SPOCK1: variants seen among roughly 807,000 people sequenced by gnomAD.
The protein encoded by SPOCK1 is SPARC (osteonectin), cwcv and kazal like domains proteoglycan 1.
A neutral mutation model predicts 55.3 loss-of-function variants in SPOCK1; 23 were observed. That is an observed-to-expected ratio of 0.42 (90% confidence interval 0.30 to 0.59). The LOEUF (loss-of-function observed/expected upper bound fraction) is 0.59. Among genes scored for constraint, SPOCK1 ranks in the 20% least tolerant of loss-of-function variants. SPOCK1 has a pLI of 0.22. For missense variants in SPOCK1, 499 were observed against 552.5 expected (o/e 0.90, Z 0.97); for synonymous variants, 226 against 221.0 (o/e 1.02, Z -0.20).
intron 2 of SPOCK1, among the ~76,000 whole-genome samples, chr5:137,456,232 T>C (rs1753366193): frequency 6.6e-6 from 1 of 152,172 alleles, no homozygotes. Context: ...CAGTTGCTTC[T>C]CCTATTTCTC....
intron 3 of SPOCK1, among the ~76,000 whole-genome samples, chr5:137,148,132 G>C (rs1754240544): frequency 6.6e-6 from 1 of 152,110 alleles, no homozygotes; most frequent in Non-Finnish European, 1.5e-5. Flanking sequence ...CTGCAGCAAG[G>C]AGACAATGAC....
At chr5:137,193,718 C>T (rs535784115) in intron 3 of SPOCK1, among the ~76,000 whole-genome samples, 29 of 152,260 alleles carry the variant, frequency 1.9e-4, no homozygotes, top group African/African-American at 6.3e-4. Flanking sequence ...CCTTTGGGTA[C>T]AACTAGCAGA....
chr5:137,100,418 A>G (rs941703106), intron 5 of SPOCK1, among the ~76,000 whole-genome samples: 12 of 152,226 alleles, frequency 7.9e-5, no homozygotes, highest in African/African-American at 2.9e-4. Flanking sequence ...GATAGCTTCC[A>G]GCAGAAAATG....
intron 2 of SPOCK1, among the ~76,000 whole-genome samples, chr5:137,433,620 G>A (rs559582004): frequency 1.3e-5 from 2 of 152,278 alleles, no homozygotes; most frequent in East Asian, 1.9e-4. Context: ...CATAGCAAAC[G>A]GGCGAACATC....
intron 4 of SPOCK1, among the ~76,000 whole-genome samples, chr5:137,136,045 G>T (rs1753977415): frequency 6.6e-6 from 1 of 152,204 alleles, no homozygotes; most frequent in African/African-American, 2.4e-5. Context: ...CACTCAGAGT[G>T]ACTTGTCTTT....
At chr5:137,146,857 A>G (rs899823985) in intron 3 of SPOCK1, among the ~76,000 whole-genome samples, 3 of 152,176 alleles carry the variant, frequency 2.0e-5, no homozygotes, top group Non-Finnish European at 1.5e-5. Context: ...GTGCCTGGAT[A>G]GGGCAGAGAG....
intron 5 of SPOCK1, among the ~76,000 whole-genome samples, chr5:137,068,208 A>G (rs955616866): frequency 6.6e-6 from 1 of 152,032 alleles, no homozygotes; most frequent in Non-Finnish European, 1.5e-5. Context: ...TGGAGGTAAC[A>G]CCGCTGGAAT....
intron 2 of SPOCK1, among the ~76,000 whole-genome samples, chr5:137,475,059 C>T (rs750480119): frequency 6.6e-6 from 1 of 152,116 alleles, no homozygotes. Flanking sequence ...CCGGCAGACA[C>T]CCCCTTAACC....
intron 2 of SPOCK1, among the ~76,000 whole-genome samples, chr5:137,423,731 C>T (rs10052952): frequency 0.16 from 24,730 of 152,216 alleles, 2,248 homozygotes; most frequent in Admixed American, 0.27. Context: ...TTGTACTTCC[C>T]GGGTAAGGCG....
chr5:137,138,712 C>CA (rs1754038317), intron 4 of SPOCK1, among the ~76,000 whole-genome samples: 7 of 124,160 alleles, frequency 5.6e-5, no homozygotes, highest in South Asian at 2.8e-4. Flanking sequence ...CCCCCCCCCC[C>CA]CAAAAAAAAG....
At chr5:137,491,984 C>A (rs1054601490) in intron 2 of SPOCK1, among the ~76,000 whole-genome samples, 1 of 152,214 alleles carries the variant, frequency 6.6e-6, no homozygotes, top group African/African-American at 2.4e-5. Context: ...AGGCATTGTG[C>A]TAAGAGCTTC....
At chr5:137,096,860 T>C (rs902374365) in intron 5 of SPOCK1, among the ~76,000 whole-genome samples, 18 of 152,186 alleles carry the variant, frequency 1.2e-4, no homozygotes, top group South Asian at 2.1e-4. Flanking sequence ...GCTTTTGCAG[T>C]GTGGAGGACG....
At chr5:137,001,417 A>C (rs1332256553) in intron 6 of SPOCK1, among the ~76,000 whole-genome samples, 2 of 152,208 alleles carry the variant, frequency 1.3e-5, no homozygotes, top group Non-Finnish European at 2.9e-5. Context: ...TTTTCAGAGA[A>C]GGTGGATGAT....
At chr5:137,044,844 C>A (rs1752080746) in intron 6 of SPOCK1, among the ~76,000 whole-genome samples, 1 of 140,764 alleles carries the variant, frequency 7.1e-6, no homozygotes, top group African/African-American at 2.6e-5. Context: ...CTTCCTGTGT[C>A]CATGTGATCT....
intron 1 of SPOCK1, among the ~76,000 whole-genome samples, 195 bp from the exon 2 acceptor site, chr5:137,498,753 C>G (rs1754366370): frequency 6.6e-6 from 1 of 152,218 alleles, no homozygotes; most frequent in African/African-American, 2.4e-5. Flanking sequence ...CATCTACGAA[C>G]GAGGAGGCTG....
chr5:137,451,978 T>A (rs1468702857), intron 2 of SPOCK1, among the ~76,000 whole-genome samples: 1 of 152,228 alleles, frequency 6.6e-6, no homozygotes, highest in Non-Finnish European at 1.5e-5. Flanking sequence ...TATTTTGCAA[T>A]ACATGCATTA....
At chr5:137,152,055 A>G (rs1461139313) in intron 3 of SPOCK1, among the ~76,000 whole-genome samples, 1 of 152,234 alleles carries the variant, frequency 6.6e-6, no homozygotes, top group Non-Finnish European at 1.5e-5. Flanking sequence ...TGAAGCCATC[A>G]TGACAAAGTT....
At chr5:137,259,392 GA>G (rs1756702768) in intron 3 of SPOCK1, among the ~76,000 whole-genome samples, 1 of 152,098 alleles carries the variant, frequency 6.6e-6, no homozygotes, top group African/African-American at 2.4e-5. Flanking sequence ...CACAAGAACA[GA>G]AAACCAAACA....
intron 7 of SPOCK1, among the ~76,000 whole-genome samples, chr5:136,992,075 G>T (rs1750959266): frequency 6.6e-6 from 1 of 152,160 alleles, no homozygotes; most frequent in South Asian, 2.1e-4. Flanking sequence ...TAAGTAAACT[G>T]TTATCTCCAT....
Sources: allele counts gnomAD v4.1 joint callset (sites outside exome capture counted in the v4.1 genomes callset), GRCh38; gene constraint gnomAD v4.1.1; transcripts MANE v1.5; gene names NCBI Gene and HGNC (gene_info 2026-07-23, HGNC 2026-07-21).